The following PYGB variants were observed in gnomAD, a reference collection of about 807,000 sequenced individuals.
PYGB encodes glycogen phosphorylase, brain form.
In PYGB, 82 loss-of-function variants were observed where a neutral mutation model predicts 94.3. The ratio of observed to expected loss-of-function variants is 0.87; its 90% CI spans 0.73 to 1.04. The LOEUF is 1.04. Among genes scored for constraint, PYGB ranks in the 50% least tolerant of loss-of-function variants. PYGB has a pLI of 0.00. For missense variants in PYGB, 1,132 were observed against 1,158.2 expected (o/e 0.98, Z 0.33); for synonymous variants, 488 against 479.1 (o/e 1.02, Z -0.24).
At chr20:25,274,427 C>T (rs956652562) in intron 4 of PYGB, among the ~76,000 whole-genome samples, 165 bp from the exon 5 acceptor site, 2 of 152,218 alleles carry the variant, frequency 1.3e-5, no homozygotes, top group African/African-American at 4.8e-5. Flanking sequence ...ATTTTACCCA[C>T]GTGGGCTTCG....
Position 25,297,273 on chromosome 20 carries a change from T to C in PYGB, c.*751T>C, listed in dbSNP as rs549275405. 1.3e-5 allele frequency: 2 copies of C among 152,402 alleles called. No individual in the cohort carries two copies. The highest frequency in any genetic ancestry group is 2.1e-4 in the South Asian group (1 of 4,830). The allele number at this position is 152,402 out of a possible 1,614,324, so 9.4% of individuals were successfully genotyped here. On this transcript the variant is annotated 3_prime_UTR_variant, in exon 20 of 20. Coordinates refer to ENST00000216962, the MANE Select transcript of PYGB (RefSeq NM_002862.4). ...TTGGCTGACACAGCTTAGCTTGGTT[T>C]TGCTTATTCAAAAGAGAAAATAACT...
intron 14 of PYGB, chr20:25,288,213 G>T (rs1379643933): frequency 2.9e-6 from 2 of 697,744 alleles, no homozygotes; most frequent in African/African-American, 1.8e-5. Context: ...CCTCAGGGTG[G>T]CCTCACTCCC....
chr20:25,288,972 T>G (rs2088442624), intron 15 of PYGB, among the ~76,000 whole-genome samples: 1 of 152,230 alleles, frequency 6.6e-6, no homozygotes, highest in Non-Finnish European at 1.5e-5. Flanking sequence ...CCCTAGTAGC[T>G]TGGTCTTTAT....
chr20:25,269,006 A>G, intron 2 of PYGB, 123 bp from the exon 3 acceptor site: 1 of 790,240 alleles, frequency 1.3e-6, no homozygotes, highest in Non-Finnish European at 2.1e-6. Flanking sequence ...TGAATTTTCA[A>G]GTCTAACAGA....
intron 16 of PYGB, among the ~76,000 whole-genome samples, chr20:25,291,311 A>G (rs1439108275): frequency 6.6e-6 from 1 of 152,066 alleles, no homozygotes; most frequent in Non-Finnish European, 1.5e-5. Context: ...TGGGCAGGAA[A>G]GTGATTTGCC....
chr20:25,279,309 A>T (rs2088344444), intron 9 of PYGB, among the ~76,000 whole-genome samples, 160 bp downstream of exon 9: 1 of 152,070 alleles, frequency 6.6e-6, no homozygotes, highest in Admixed American at 6.5e-5. Flanking sequence ...GTCTGGTTCC[A>T]GGAGACGGAG....
intron 1 of PYGB, among the ~76,000 whole-genome samples, chr20:25,250,565 C>T (rs571007459): frequency 2.6e-5 from 4 of 152,184 alleles, no homozygotes; most frequent in Non-Finnish European, 5.9e-5. Flanking sequence ...TTCGCTAATT[C>T]ATGATGAAAA....
At chr20:25,296,311 G>A in intron 19 of PYGB, 59 bp from the exon 20 acceptor site, 6 of 1,596,926 alleles carry the variant, frequency 3.8e-6, no homozygotes, top group Non-Finnish European at 5.1e-6. Context: ...GGAATCCCAT[G>A]TTTTTAGCAG....
intron 1 of PYGB, among the ~76,000 whole-genome samples, chr20:25,253,945 G>A (rs181532279): frequency 5.3e-5 from 8 of 152,144 alleles, no homozygotes; most frequent in Non-Finnish European, 1.0e-4. Flanking sequence ...GGTGGTGGGC[G>A]CCTGTAGTCC....
chr20:25,273,282 T>G (rs2123553789), intron 4 of PYGB, among the ~76,000 whole-genome samples: 1 of 152,274 alleles, frequency 6.6e-6, no homozygotes, highest in African/African-American at 2.4e-5. Flanking sequence ...GCCCTGGTGT[T>G]GGGGAATCTC....
At chr20:25,276,018 T>G (rs576943065) in intron 5 of PYGB, among the ~76,000 whole-genome samples, 1 of 152,320 alleles carries the variant, frequency 6.6e-6, no homozygotes, top group African/African-American at 2.4e-5. Flanking sequence ...CTCAGCTTTG[T>G]GAGCCCCCTC....
At chr20:25,262,099 C>T (rs4364079) in intron 2 of PYGB, among the ~76,000 whole-genome samples, 3 of 152,206 alleles carry the variant, frequency 2.0e-5, no homozygotes, top group Admixed American at 2.0e-4. Context: ...GCAAGGCAGG[C>T]CAACACTCAA....
intron 2 of PYGB, among the ~76,000 whole-genome samples, chr20:25,260,614 C>G (rs1014240801): frequency 2.0e-5 from 3 of 152,192 alleles, no homozygotes. Context: ...GTTCATCTCA[C>G]TGGGGCTTGT....
At chr20:25,276,523 AG>A (rs147100461) in intron 5 of PYGB, 122 bp from the exon 6 acceptor site, 1 of 718,454 alleles carries the variant, frequency 1.4e-6, no homozygotes, top group East Asian at 2.7e-5. Flanking sequence ...TTTGGGCAGA[AG>A]GGGGAGACGG....
chr20:25,275,724 A>G (rs1468313607), intron 5 of PYGB, among the ~76,000 whole-genome samples: 1 of 152,190 alleles, frequency 6.6e-6, no homozygotes, highest in Non-Finnish European at 1.5e-5. Context: ...CATTCCAGGC[A>G]GGCTGTGAAG....
At chr20:25,269,356 C>A in intron 3 of PYGB, 149 bp downstream of exon 3, 1 of 597,642 alleles carries the variant, frequency 1.7e-6, no homozygotes, top group Non-Finnish European at 2.9e-6. Flanking sequence ...AATCTTGCCA[C>A]TAGTGGGGGG....
At position 25,260,506 on chromosome 20, in the gene PYGB, G is replaced by T. The variant is rs77405797; in HGVS notation, c.345+1168G>T. On this transcript the variant is annotated intron_variant, in intron 2 of 19. Coordinates refer to ENST00000216962, the MANE Select transcript of PYGB (RefSeq NM_002862.4). ...TTAAACTTTGTATACTTGATGGGAG[G>T]TTCCAAGATGGCTGAATAGGAACAG... is the stretch of plus-strand genomic sequence containing the variant. Among the ~76,000 whole-genome samples, 304 of 152,346 alleles carry T rather than the reference G, an allele frequency of 2.0e-3. 1 individual carries two copies. The highest frequency in any genetic ancestry group is 7.2e-3 in the African/African-American group (298 of 41,580).
In PYGB at chr20:25,276,713, G is replaced by A. The variant is rs763552536; in HGVS notation, c.728G>A (p.Arg243Gln). The change falls in exon 6 of 20, where the codon CGG becomes CAG. Residue 243 changes from arginine to glutamine, a missense_variant. Physicochemically the swap from Arg to Gln is conservative, Grantham distance 43. Coordinates refer to ENST00000216962, the MANE Select transcript of PYGB (RefSeq NM_002862.4). Reference protein sequence around the residue: ...GYKNNTVNTMRLWSAKAPNDF... With the variant: ...GYKNNTVNTMQLWSAKAPNDF... Reference sequence around the variant, plus strand: ...AAGAACAACACCGTCAACACCATGCGGCTGTGGTCCGCCAAGGCTCCCAAC... The same window carrying A: ...AAGAACAACACCGTCAACACCATGCAGCTGTGGTCCGCCAAGGCTCCCAAC... 19 of 1,613,988 alleles carry A rather than the reference G, an allele frequency of 1.2e-5. No homozygotes were observed. The Admixed American group carries it at 1.3e-4, about 11-fold the overall frequency.
chr20:25,250,212 AG>A (rs1383808864), intron 1 of PYGB, among the ~76,000 whole-genome samples: 6 of 152,324 alleles, frequency 3.9e-5, no homozygotes, highest in Non-Finnish European at 8.8e-5. Flanking sequence ...TTCACATTCA[AG>A]GGCATTTCCT....
Sources: allele counts gnomAD v4.1 joint callset (sites outside exome capture counted in the v4.1 genomes callset), GRCh38; gene constraint gnomAD v4.1.1; transcripts MANE v1.5; gene names NCBI Gene and HGNC (gene_info 2026-07-23, HGNC 2026-07-21).